PPP2R2C: variants seen among roughly 807,000 people sequenced by gnomAD.
PPP2R2C encodes the protein protein phosphatase 2, regulatory subunit B, gamma.
Under a neutral mutation model 45.3 loss-of-function variants are expected in PPP2R2C, and 10 were observed. The observed-to-expected ratio is 0.22, with a 90% CI of 0.14 to 0.37. PPP2R2C has a LOEUF of 0.37. Ranked by LOEUF, PPP2R2C falls within the 10% of genes least tolerant of loss-of-function variation. PPP2R2C has a pLI of 1.00. For synonymous variants in PPP2R2C, 257 were observed against 245.4 expected (o/e 1.05, Z -0.44); for missense variants, 308 against 619.7 (o/e 0.50, Z 5.34).
intron 1 of PPP2R2C, among the ~76,000 whole-genome samples, chr4:6,554,343 A>G (rs1725288802): frequency 1.3e-5 from 2 of 152,180 alleles, no homozygotes; most frequent in Admixed American, 6.5e-5. Context: ...AGCAAATCAC[A>G]ATAAGCTGGG....
At chr4:6,409,825 C>A (rs188964726) in intron 1 of PPP2R2C, among the ~76,000 whole-genome samples, 1 of 152,186 alleles carries the variant, frequency 6.6e-6, no homozygotes. Context: ...CCCAAACATG[C>A]GGTGCCCTTT....
At chr4:6,391,682 G>A (rs888423232) in intron 1 of PPP2R2C, among the ~76,000 whole-genome samples, 2 of 152,248 alleles carry the variant, frequency 1.3e-5, no homozygotes, top group African/African-American at 4.8e-5. Context: ...CTGGTGGTCA[G>A]CCTGCCAGAG....
rs1259821223 is a variant in PPP2R2C at position 6,414,078 on chromosome 4, G to C, written c.71-32984C>G. On this transcript the variant is annotated intron_variant, in intron 1 of 8. Transcript: ENST00000382599. ...AGTAACATAAGTTTTGCCTGTGTATGTGTGTGTGTGTGTGTGTGTGTGTGT... is the reference window on the plus strand; with the variant it reads ...AGTAACATAAGTTTTGCCTGTGTATCTGTGTGTGTGTGTGTGTGTGTGTGT... The C allele has an allele frequency of 4.2e-5, 8 of 190,266 alleles. No individual in the cohort carries two copies. The East Asian group carries it at 6.3e-4, about 15-fold the overall frequency. 11.8% of individuals were successfully genotyped at this position (190,266 alleles called of 1,614,324 possible).
At chr4:6,446,815 G>A (rs2108740742) in intron 1 of PPP2R2C, among the ~76,000 whole-genome samples, 1 of 152,104 alleles carries the variant, frequency 6.6e-6, no homozygotes, top group South Asian at 2.1e-4. Flanking sequence ...ATGACAAAAG[G>A]GAGGCTCAGA....
intron 1 of PPP2R2C, among the ~76,000 whole-genome samples, chr4:6,415,000 C>T (rs944655305): frequency 2.0e-5 from 3 of 152,250 alleles, no homozygotes; most frequent in African/African-American, 7.2e-5. Flanking sequence ...GCATCTCGCT[C>T]ACACGACAGG....
intron 1 of PPP2R2C, among the ~76,000 whole-genome samples, chr4:6,423,188 G>A (rs748869608): frequency 2.0e-5 from 3 of 152,054 alleles, no homozygotes; most frequent in Non-Finnish European, 2.9e-5. Flanking sequence ...GATATTTTGG[G>A]GGTTTTCTTG....
chr4:6,437,630 T>G (rs994555488), intron 1 of PPP2R2C, among the ~76,000 whole-genome samples: 1 of 152,232 alleles, frequency 6.6e-6, no homozygotes, highest in African/African-American at 2.4e-5. Context: ...GACTAGAATG[T>G]ACTTTTAAAG....
rs7440484 is a variant in PPP2R2C, at chr4:6,407,097, C to T, written c.71-26003G>A. ...CCACCCCTGCAGGCTACAGAGGGAACGTAGGCCTACGGACACCATGATTTT... is the reference window on the plus strand; with the variant it reads ...CCACCCCTGCAGGCTACAGAGGGAATGTAGGCCTACGGACACCATGATTTT... On this transcript the variant is annotated intron_variant, in intron 1 of 8. Transcript: ENST00000382599. Among the ~76,000 whole-genome samples, 646 of 152,324 alleles carry T rather than the reference C, an allele frequency of 4.2e-3. 6 individuals carry two copies. The highest frequency in any genetic ancestry group is 0.015 in the African/African-American group (612 of 41,572).
chr4:6,507,257 C>A lies in PPP2R2C; in HGVS notation c.49+28014G>T, dbSNP rs140393482. ...AAGGATGAGGCCTGAGCCTCAGTTT[C>A]CCCAGCTATAAACTAAAAGGTTTGG... On this transcript the variant is annotated intron_variant, in intron 2 of 9. Coordinates refer to the PPP2R2C transcript ENST00000506140. Among the ~76,000 whole-genome samples the A allele has an allele frequency of 3.3e-3, 497 of 152,316 alleles. 3 individuals are homozygous for A. Among genetic ancestry groups the A allele is most frequent in the African/African-American group, 0.011 (465 of 41,568 alleles).
At chr4:6,372,849 A>G in intron 4 of PPP2R2C, 149 bp from the exon 5 acceptor site, 1 of 772,358 alleles carries the variant, frequency 1.3e-6, no homozygotes, top group African/African-American at 1.7e-5. Flanking sequence ...AGGCAGTGAC[A>G]GATGGCAAAT....
chr4:6,496,862 A>AAAATAAATGAAT (rs1553904299), intron 2 of PPP2R2C, among the ~76,000 whole-genome samples: 1 of 138,950 alleles, frequency 7.2e-6, no homozygotes, highest in African/African-American at 2.7e-5. Flanking sequence ...ACTCCATCTC[A>AAAATAAATGAAT]AAATAAATAA....
chr4:6,361,789 C>T (rs1320513656), intron 5 of PPP2R2C, among the ~76,000 whole-genome samples: 1 of 152,178 alleles, frequency 6.6e-6, no homozygotes, highest in East Asian at 1.9e-4. Flanking sequence ...CAGCTGTACC[C>T]CCACAGCACT....
chr4:6,522,897 C>T (rs1375553390), intron 2 of PPP2R2C, among the ~76,000 whole-genome samples: 1 of 152,258 alleles, frequency 6.6e-6, no homozygotes, highest in East Asian at 1.9e-4. Context: ...GCTTTCTAAG[C>T]ACTGTGGGAT....
At chr4:6,453,957 C>T (rs1041502631) in intron 1 of PPP2R2C, among the ~76,000 whole-genome samples, 7 of 152,258 alleles carry the variant, frequency 4.6e-5, no homozygotes, top group Non-Finnish European at 7.3e-5. Context: ...CCAGGGCCAC[C>T]GGTCTGCCTC....
At chr4:6,350,270 C>A (rs1182885029) in intron 5 of PPP2R2C, 1 of 985,374 alleles carries the variant, frequency 1.0e-6, no homozygotes, top group Non-Finnish European at 1.2e-6. Flanking sequence ...CGAATGCCTC[C>A]CATGGCTTTC....
chr4:6,381,899 C>A (rs1715826630), intron 1 of PPP2R2C: 1 of 1,596,884 alleles, frequency 6.3e-7, no homozygotes, highest in Non-Finnish European at 8.5e-7. Context: ...CCTTCCATCA[C>A]CAACATTCTC....
chr4:6,362,314 C>CAA (rs1713836444), intron 5 of PPP2R2C, among the ~76,000 whole-genome samples: 1 of 152,042 alleles, frequency 6.6e-6, no homozygotes, highest in Non-Finnish European at 1.5e-5. Flanking sequence ...GGAAGCAGGC[C>CAA]AAAGGTCTGG....
At chr4:6,395,406 T>A (rs921468007) in intron 1 of PPP2R2C, among the ~76,000 whole-genome samples, 1 of 152,194 alleles carries the variant, frequency 6.6e-6, no homozygotes, top group African/African-American at 2.4e-5. Flanking sequence ...CAGACCAGTC[T>A]GACCAATGAG....
At chr4:6,355,600 G>C (rs1713098631) in intron 5 of PPP2R2C, among the ~76,000 whole-genome samples, 1 of 151,780 alleles carries the variant, frequency 6.6e-6, no homozygotes, top group Non-Finnish European at 1.5e-5. Context: ...AGGGTGTGAG[G>C]GGTTTTTTAG....
Sources: allele counts gnomAD v4.1 joint callset (sites outside exome capture counted in the v4.1 genomes callset), GRCh38; gene constraint gnomAD v4.1.1; transcripts MANE v1.5; gene names NCBI Gene and HGNC (gene_info 2026-07-23, HGNC 2026-07-21).